GRM8: variants seen among roughly 807,000 people sequenced by gnomAD.
The protein encoded by GRM8 is glutamate metabotropic receptor 8.
GRM8 carries 47 observed loss-of-function variants against 87.2 expected under a neutral mutation model. The ratio of observed to expected loss-of-function variants is 0.54; its 90% CI spans 0.43 to 0.69. GRM8 has a LOEUF of 0.69. GRM8 is among the 30% of genes least tolerant of loss of function. The pLI, the probability that GRM8 is intolerant of heterozygous loss-of-function variation, is 0.00. For missense variants in GRM8, 1,019 were observed against 1,139.2 expected (o/e 0.89, Z 1.52); for synonymous variants, 396 against 404.5 (o/e 0.98, Z 0.25).
chr7:126,710,892 G>T (rs112891899), intron 7 of GRM8, among the ~76,000 whole-genome samples: 1 of 152,148 alleles, frequency 6.6e-6, no homozygotes, highest in African/African-American at 2.4e-5. Context: ...TACATTTCTT[G>T]GCTGGGTACA....
At chr7:127,095,901 C>G (rs1824604928) in intron 3 of GRM8, 1 of 152,190 alleles carries the variant, frequency 6.6e-6, no homozygotes, top group Non-Finnish European at 1.5e-5. Context: ...ATCCTCAAAG[C>G]CCAGCACAAG....
chr7:127,145,723 A>G (rs1828519895), intron 2 of GRM8, among the ~76,000 whole-genome samples: 1 of 152,094 alleles, frequency 6.6e-6, no homozygotes, highest in African/African-American at 2.4e-5. Flanking sequence ...TGCCCAGGAT[A>G]TTTAGTCAGT....
intron 7 of GRM8, among the ~76,000 whole-genome samples, chr7:126,720,505 G>T (rs1196669803): frequency 6.6e-6 from 1 of 151,748 alleles, no homozygotes; most frequent in Non-Finnish European, 1.5e-5. Flanking sequence ...TCCTGACAAG[G>T]GTTTCATATG....
chr7:127,210,435 C>A (rs1409852978), intron 2 of GRM8, among the ~76,000 whole-genome samples: 1 of 152,164 alleles, frequency 6.6e-6, no homozygotes, highest in Non-Finnish European at 1.5e-5. Flanking sequence ...TGTGAAACAC[C>A]AAACAATGGA....
intron 8 of GRM8, among the ~76,000 whole-genome samples, chr7:126,594,757 G>A (rs1232190212): frequency 3.9e-5 from 6 of 152,088 alleles, no homozygotes; most frequent in Admixed American, 3.3e-4. Context: ...ACTATGTGAG[G>A]TAATGCTTAT....
intron 3 of GRM8, among the ~76,000 whole-genome samples, chr7:126,983,827 CCCA>C (rs1811774368): frequency 6.6e-6 from 1 of 152,100 alleles, no homozygotes; most frequent in Admixed American, 6.6e-5. Context: ...AGGAAAAAAA[CCCA>C]CGGCCTGCTA....
chr7:126,785,031 G>A (rs969392701), intron 6 of GRM8, among the ~76,000 whole-genome samples: 2 of 152,086 alleles, frequency 1.3e-5, no homozygotes, highest in South Asian at 4.1e-4. Context: ...CTTGCGTTCA[G>A]CTTCTATATG....
chr7:126,614,740 T>G (rs1292143980), intron 7 of GRM8, among the ~76,000 whole-genome samples: 1 of 152,218 alleles, frequency 6.6e-6, no homozygotes, highest in Non-Finnish European at 1.5e-5. Flanking sequence ...CAAGCTTCAG[T>G]AGCTGATTTG....
chr7:126,759,854 G>C (rs916519213), intron 7 of GRM8, among the ~76,000 whole-genome samples: 2 of 152,094 alleles, frequency 1.3e-5, no homozygotes, highest in African/African-American at 2.4e-5. Context: ...AAATAGATTA[G>C]TATATATATC....
At chr7:126,549,824 T>C (rs1038636150) in intron 8 of GRM8, among the ~76,000 whole-genome samples, 2 of 152,072 alleles carry the variant, frequency 1.3e-5, no homozygotes, top group African/African-American at 4.8e-5. Context: ...AAAGGAGCCA[T>C]AATGTAAAAG....
intron 7 of GRM8, among the ~76,000 whole-genome samples, chr7:126,616,800 C>T (rs1240961210): frequency 2.0e-5 from 3 of 152,174 alleles, no homozygotes; most frequent in Admixed American, 6.5e-5. Context: ...TTCCTCGACA[C>T]ATACACCCTC....
chr7:126,543,732 C>T (rs1334606126), intron 8 of GRM8, among the ~76,000 whole-genome samples: 1 of 152,092 alleles, frequency 6.6e-6, no homozygotes, highest in Non-Finnish European at 1.5e-5. Context: ...TGAGAGAGCT[C>T]TCTCCCACAG....
At chr7:127,213,381 C>T (rs530673163) in intron 2 of GRM8, among the ~76,000 whole-genome samples, 74 of 152,220 alleles carry the variant, frequency 4.9e-4, no homozygotes, top group African/African-American at 1.8e-3. Flanking sequence ...CTTAGTATGA[C>T]ATATGTAAAA....
chr7:126,499,989 C>T (rs929462232), intron 9 of GRM8, among the ~76,000 whole-genome samples: 11 of 151,588 alleles, frequency 7.3e-5, no homozygotes, highest in South Asian at 2.1e-4. Flanking sequence ...TTGATATGTG[C>T]GTATATACAT....
At chr7:126,491,726 G>T (rs1235981807) in intron 9 of GRM8, among the ~76,000 whole-genome samples, 1 of 151,954 alleles carries the variant, frequency 6.6e-6, no homozygotes, top group Non-Finnish European at 1.5e-5. Context: ...GTTAACAATA[G>T]GAAAGGCTGT....
chr7:127,237,235 C>T (rs1798031529), intron 2 of GRM8, among the ~76,000 whole-genome samples: 1 of 152,106 alleles, frequency 6.6e-6, no homozygotes, highest in Non-Finnish European at 1.5e-5. Flanking sequence ...GCTACAGTAC[C>T]AAAGAGTTGA....
intron 3 of GRM8, among the ~76,000 whole-genome samples, chr7:127,029,570 C>A (rs568496015): frequency 2.4e-4 from 36 of 152,108 alleles, no homozygotes; most frequent in African/African-American, 8.7e-4. Context: ...TTGAATGGAT[C>A]CCTTTACCAT....
At chr7:126,926,796 C>T (rs887020268) in intron 3 of GRM8, among the ~76,000 whole-genome samples, 6 of 152,186 alleles carry the variant, frequency 3.9e-5, no homozygotes. Flanking sequence ...AGGGTCCACT[C>T]CTCCAGGAGA....
chr7:127,234,241 T>C (rs1797857955), intron 2 of GRM8, among the ~76,000 whole-genome samples: 1 of 152,254 alleles, frequency 6.6e-6, no homozygotes, highest in Non-Finnish European at 1.5e-5. Flanking sequence ...TCCCAATTAA[T>C]GTATATCTTA....
Sources: allele counts gnomAD v4.1 joint callset (sites outside exome capture counted in the v4.1 genomes callset), GRCh38; gene constraint gnomAD v4.1.1; transcripts MANE v1.5; gene names NCBI Gene and HGNC (gene_info 2026-07-23, HGNC 2026-07-21).